The following CTRB1 variants were observed in gnomAD, a reference collection of about 807,000 sequenced individuals.
The protein encoded by CTRB1 is chymotrypsinogen B.
A neutral mutation model predicts 20.4 loss-of-function variants in CTRB1; 15 were observed. The observed-to-expected ratio is 0.74, with a 90% CI of 0.49 to 1.13. The LOEUF (loss-of-function observed/expected upper bound fraction) is 1.13, where lower values mean the gene tolerates loss of function less well. CTRB1 is among the 50% of genes most tolerant of loss of function. The pLI is 0.00. For synonymous variants in CTRB1, 92 were observed against 128.4 expected (o/e 0.72, Z 1.92); for missense variants, 227 against 290.1 (o/e 0.78, Z 1.58).
At chr16:75,220,145 C>CTTGTT (rs57482850) in intron 1 of CTRB1, among the ~76,000 whole-genome samples, 45,965 of 151,048 alleles carry the variant, frequency 0.3, 8,687 homozygotes, top group African/African-American at 0.54. Context: ...AGTTTAAAAA[C>CTTGTT]TTGTTTTGTT....
At chr16:75,221,843 A>G (rs2039089766) in intron 1 of CTRB1, among the ~76,000 whole-genome samples, 1 of 151,610 alleles carries the variant, frequency 6.6e-6, no homozygotes, top group Non-Finnish European at 1.5e-5. Flanking sequence ...CGGGTGGATC[A>G]CAAGGTCAGG....
At chr16:75,222,713 G>GT (rs774571818) in intron 1 of CTRB1, 55 bp from the exon 2 acceptor site, 7 of 1,516,002 alleles carry the variant, frequency 4.6e-6, no homozygotes, top group Non-Finnish European at 6.2e-6. Context: ...ACGCAGGCAG[G>GT]TGAGGCCCAG....
At position 75,222,568 on chromosome 16, in the gene CTRB1, G is replaced by A. The variant is rs972361567; in HGVS notation, c.53-200G>A. The A allele has an allele frequency of 6.5e-6, 4 of 611,096 alleles. No homozygotes were observed. In the East Asian group the frequency reaches 1.1e-4, roughly 17 times the overall value. 37.9% of individuals were successfully genotyped at this position (611,096 alleles called of 1,614,324 possible). A position where few individuals can be genotyped will look rare whatever the true frequency, so the allele number is the denominator to read the frequency against. ...GACATGACGCTCTGCATCCTGGAAG[G>A]ATGACTGGAGCCAGCAGGCCGAGAG... On this transcript the variant is annotated intron_variant, in intron 1 of 6. Coordinates refer to ENST00000361017, the MANE Select transcript of CTRB1 (RefSeq NM_001906.6).
intron 6 of CTRB1, 151 bp downstream of exon 6, chr16:75,224,339 C>A: frequency 1.4e-6 from 2 of 1,444,200 alleles, no homozygotes; most frequent in Non-Finnish European, 1.9e-6. Flanking sequence ...AATGTCAGAG[C>A]CAATGGCTCT....
At chr16:75,222,256 T>G (rs1203817743) in intron 1 of CTRB1, among the ~76,000 whole-genome samples, 1 of 152,080 alleles carries the variant, frequency 6.6e-6, no homozygotes, top group African/African-American at 2.4e-5. Context: ...CATTTCACTC[T>G]CCCGTCTGCA....
Position 75,224,045 on chromosome 16 carries a change from T to A in CTRB1, c.497-10T>A, listed in dbSNP as rs1320576325. ...AGCCCAGGGGCCCTGACCCTCCTCC[T>A]GTCCTGCAGCCAACAAGACCCCTGA... On this transcript the variant is annotated splice_polypyrimidine_tract_variant and intron_variant, in intron 5 of 6. Transcript: ENST00000361017. The A allele has an allele frequency of 9.9e-7, 1 of 1,008,816 alleles. No individual in the cohort carries two copies. 62.5% of individuals were successfully genotyped at this position (1,008,816 alleles called of 1,614,324 possible).
intron 6 of CTRB1, 62 bp downstream of exon 6, chr16:75,224,250 T>C (rs2151376911): frequency 1.3e-6 from 2 of 1,518,548 alleles, no homozygotes; most frequent in Non-Finnish European, 1.8e-6. Flanking sequence ...GTCTGGGCTT[T>C]CCACCCCTCT....
At position 75,224,920 on chromosome 16, in the gene CTRB1, A is replaced by C. The variant is rs2076727170; in HGVS notation, c.*54A>C. ...CACAGAGCCTCAGTAAACCCATGGA[A>C]CACACGTCGGCGCTGTCCGTCTTCT... On this transcript the variant is annotated 3_prime_UTR_variant, in exon 7 of 7. Coordinates refer to ENST00000361017, the MANE Select transcript of CTRB1 (RefSeq NM_001906.6). The C allele has an allele frequency of 1.4e-5, 22 of 1,600,958 alleles. No homozygotes were observed. The highest frequency in any genetic ancestry group is 1.8e-5 in the Non-Finnish European group (21 of 1,175,080).
At chr16:75,222,731 T>G in intron 1 of CTRB1, 37 bp from the exon 2 acceptor site, 1 of 1,539,658 alleles carries the variant, frequency 6.5e-7, no homozygotes, top group African/African-American at 1.4e-5. Flanking sequence ...CAGGTGGGTT[T>G]GGGGCCTCAG....
At chr16:75,224,484 G>C (rs2076718330) in intron 6 of CTRB1, among the ~76,000 whole-genome samples, 1 of 152,204 alleles carries the variant, frequency 6.6e-6, no homozygotes, top group African/African-American at 2.4e-5. Flanking sequence ...CAGCTTTACT[G>C]AGCTGCCATT....
At position 75,224,133 on chromosome 16, in the gene CTRB1, G is replaced by C. The variant is rs1567571059; in HGVS notation, c.575G>C (p.Arg192Thr). ...GCCGAATGCAAGAAGTCCTGGGGCA[G>C]GAGGATCACCGACGTGATGATCTGT... The part of the protein sequence containing the change: ...SNAECKKSWG[R>T]RITDVMICAG... The change falls in exon 6 of 7, where the codon AGG becomes ACG. Residue 192 changes from arginine (R) to threonine (T), a missense_variant. By Grantham distance (71) the Arg-to-Thr change is moderately conservative. Around this residue, in one of 4 missense-constraint regions of CTRB1, gnomAD observed 36 missense variants for 51.6 expected, o/e 0.70. Transcript: ENST00000361017. 6.9e-7 allele frequency: 1 copy of C among 1,446,976 alleles called. No individual in the cohort carries two copies. Among genetic ancestry groups the C allele is most frequent in the East Asian group, 2.5e-5 (1 of 39,626 alleles). 89.6% of individuals were successfully genotyped at this position (1,446,976 alleles called of 1,614,324 possible).
In CTRB1 at chr16:75,224,653, G is replaced by A. The variant is rs2076721298; in HGVS notation, c.631-52G>A. ...GGGAACAATGTCCAGTGGCCCCTGG[G>A]ACCAGTCTGTCTCGGCTGCCAGATC... On this transcript the variant is annotated intron_variant, in intron 6 of 6. Transcript: ENST00000361017. 2.6e-6 allele frequency: 4 copies of A among 1,560,140 alleles called. No homozygotes were observed. The African/African-American group carries it at 4.1e-5, about 16-fold the overall frequency.
intron 1 of CTRB1, among the ~76,000 whole-genome samples, chr16:75,222,064 G>GAAAAAAAAAA (rs71158588): frequency 9.2e-6 from 1 of 108,600 alleles, no homozygotes; most frequent in Non-Finnish European, 1.8e-5. Context: ...GTCTCAAAAA[G>GAAAAAAAAAA]AAAAAAAAAA....
chr16:75,221,325 C>A (rs987611979), intron 1 of CTRB1, among the ~76,000 whole-genome samples: 8 of 152,072 alleles, frequency 5.3e-5, no homozygotes, highest in African/African-American at 1.9e-4. Context: ...TTCCAATGTG[C>A]CATTTTATGG....
At chr16:75,219,793 G>C (rs750442930) in intron 1 of CTRB1, among the ~76,000 whole-genome samples, 4 of 152,220 alleles carry the variant, frequency 2.6e-5, no homozygotes, top group African/African-American at 4.8e-5. Flanking sequence ...ATTTGCTTCA[G>C]ATATTTCTAA....
rs763072796 is a variant in CTRB1, at chr16:75,224,820, T to C, written c.746T>C (p.Val249Ala). ...STSSPGVYAR[V>A]TKLIPWVQKI... ...TCCAGCCCTGGCGTGTACGCCCGTG[T>C]CACCAAGCTCATACCTTGGGTGCAG... The change falls in exon 7 of 7, where the codon GTC (valine) becomes GCC (alanine). Residue 249 changes from valine (V) to alanine (A), a missense_variant. By Grantham distance (64) the Val-to-Ala change is moderately conservative. Around this residue, in one of 4 missense-constraint regions of CTRB1, gnomAD observed 108 missense variants for 76.9 expected, o/e 1.41. Coordinates refer to ENST00000361017, the MANE Select transcript of CTRB1 (RefSeq NM_001906.6). 17 of 1,613,972 alleles carry C rather than the reference T, an allele frequency of 1.1e-5. No homozygotes were observed. Among genetic ancestry groups the C allele is most frequent in the South Asian group, 5.5e-5 (5 of 91,082 alleles).
rs2076722362 is a variant in CTRB1, at chr16:75,224,723, CT to C, written c.650del (p.Leu217ArgfsTer?). ...CCCACAGGGCGACTCTGGCGGCCCC[CT>C]GGTCTGCCAAAAGGATGGAGCCTGG... ...SSCMGDSGGP[L>X]VCQKDGAWTL... On this transcript the variant is annotated frameshift_variant, in exon 7 of 7. Transcript: ENST00000361017. LOFTEE classifies it low-confidence loss of function (END_TRUNC). The C allele has an allele frequency of 6.2e-7, 1 of 1,611,980 alleles. No individual in the cohort carries two copies. The highest frequency in any genetic ancestry group is 1.7e-5 in the Admixed American group (1 of 59,520).
At position 75,224,812 on chromosome 16, in the gene CTRB1, C is replaced by T. The variant is rs201155091; in HGVS notation, c.738C>T (p.Tyr246=). ...GCTCCACCTCCAGCCCTGGCGTGTA[C>T]GCCCGTGTCACCAAGCTCATACCTT... The part of the protein sequence containing the change: ...DTCSTSSPGV[Y]ARVTKLIPWV... The change falls in exon 7 of 7, where the codon TAC becomes TAT. Residue 246 remains tyrosine (Y), a synonymous_variant. Coordinates refer to ENST00000361017, the MANE Select transcript of CTRB1 (RefSeq NM_001906.6). The T allele has an allele frequency of 2.2e-5, 36 of 1,614,014 alleles. No homozygotes were observed. The highest frequency in any genetic ancestry group is 1.7e-4 in the African/African-American group (13 of 75,074).
At chr16:75,224,555 CTAGGG>C in intron 6 of CTRB1, 145 bp from the exon 7 acceptor site, 1 of 940,388 alleles carries the variant, frequency 1.1e-6, no homozygotes. Context: ...TAAGCAGCTA[CTAGGG>C]TCTTTCATAA....
Sources: allele counts gnomAD v4.1 joint callset (sites outside exome capture counted in the v4.1 genomes callset), GRCh38; gene constraint gnomAD v4.1.1; regional missense constraint gnomAD v4.1.1; transcripts MANE v1.5; gene names NCBI Gene and HGNC (gene_info 2026-07-23, HGNC 2026-07-21).